PIK3R3: variants seen among roughly 807,000 people sequenced by gnomAD.
PIK3R3 encodes phosphatidylinositol 3-kinase regulatory subunit gamma.
PIK3R3 carries 64 observed loss-of-function variants against 62.9 expected under a neutral mutation model. The ratio of observed to expected loss-of-function variants is 1.02; its 90% confidence interval spans 0.83 to 1.25. PIK3R3 has a LOEUF of 1.25. Ranked by LOEUF, PIK3R3 falls within the 50% of genes most tolerant of loss-of-function variation. The pLI is 0.00. For missense variants in PIK3R3, 614 were observed against 561.6 expected, an observed-to-expected ratio of 1.09 and a Z score of -0.94; for synonymous variants, 165 against 189.0, an observed-to-expected ratio of 0.87 and a Z score of 1.04.
At chr1:46,129,376 T>C (rs564949011) in intron 1 of PIK3R3, among the ~76,000 whole-genome samples, 25 of 151,888 alleles carry the variant, frequency 1.6e-4, no homozygotes, top group Non-Finnish European at 3.5e-4. Flanking sequence ...GAGGGACTTA[T>C]ATGAGAGGGT....
At chr1:46,088,278 C>T (rs1651282971) in intron 1 of PIK3R3, among the ~76,000 whole-genome samples, 1 of 151,418 alleles carries the variant, frequency 6.6e-6, no homozygotes, top group South Asian at 2.1e-4. Flanking sequence ...TGATAAATTA[C>T]ATGTTACATA....
At chr1:46,064,321 A>T (rs948824403) in intron 5 of PIK3R3, among the ~76,000 whole-genome samples, 2 of 152,136 alleles carry the variant, frequency 1.3e-5, no homozygotes, top group Non-Finnish European at 2.9e-5. Context: ...TGGGCGGATC[A>T]CCTGAGGTCA....
chr1:46,145,326 C>T, the PIK3R3 span, among the ~76,000 whole-genome samples: 1 of 151,570 alleles, frequency 6.6e-6, no homozygotes. Context: ...TGTCTTAGTC[C>T]ATTTTGTGTT....
intron 4 of PIK3R3, 43 bp downstream of exon 4, chr1:46,066,868 T>C (rs1557573772): frequency 7.0e-7 from 1 of 1,432,822 alleles, no homozygotes; most frequent in African/African-American, 1.4e-5. Context: ...GGCTGTTAAA[T>C]AATCACTTGC....
upstream of PIK3R3, among the ~76,000 whole-genome samples, chr1:46,136,029 CAAA>C (rs552872602): frequency 1.4e-4 from 6 of 43,300 alleles, no homozygotes; most frequent in Non-Finnish European, 2.0e-4. Flanking sequence ...GACTCAGTCT[CAAA>C]AAAAAAAAAA....
At chr1:46,055,726 T>C (rs1647824857) in intron 7 of PIK3R3, 69 bp downstream of exon 7, 1 of 956,000 alleles carries the variant, frequency 1.0e-6, no homozygotes. Flanking sequence ...CTTCCACCTC[T>C]AGTGTCTCTA....
intron 5 of PIK3R3, among the ~76,000 whole-genome samples, chr1:46,064,417 T>C (rs1648806805): frequency 6.6e-6 from 1 of 151,936 alleles, no homozygotes; most frequent in Non-Finnish European, 1.5e-5. Context: ...GGTGCACGCC[T>C]GTAATCCCAG....
chr1:46,172,473 A>G, the PIK3R3 span, among the ~76,000 whole-genome samples: 1 of 152,112 alleles, frequency 6.6e-6, no homozygotes, highest in East Asian at 1.9e-4. Context: ...TCCCAGGTTT[A>G]AGTAATTCTC....
intron 1 of PIK3R3, among the ~76,000 whole-genome samples, chr1:46,089,714 CAA>C (rs554079868): frequency 2.5e-4 from 16 of 63,154 alleles, no homozygotes; most frequent in Admixed American, 3.6e-4. Flanking sequence ...GACTCCATCT[CAA>C]AAAAAAAAAA....
chr1:46,075,777 G>A (rs1364265406), intron 3 of PIK3R3, among the ~76,000 whole-genome samples: 1 of 152,170 alleles, frequency 6.6e-6, no homozygotes, highest in Non-Finnish European at 1.5e-5. Context: ...TGGAGGCTGA[G>A]AAGTCCCATT....
At chr1:46,081,997 TATAAATAA>T (rs139367620) in intron 1 of PIK3R3, among the ~76,000 whole-genome samples, 8 of 151,650 alleles carry the variant, frequency 5.3e-5, no homozygotes, top group East Asian at 1.9e-4. Flanking sequence ...TTCATGCAGA[TATAAATAA>T]ATAAATAAAT....
At chr1:46,105,283 C>A in intron 1 of PIK3R3, 1 of 272,756 alleles carries the variant, frequency 3.7e-6, no homozygotes, top group Non-Finnish European at 6.9e-6. Context: ...GAGGGCAGAT[C>A]ACGAGGTCAA....
the PIK3R3 span, among the ~76,000 whole-genome samples, chr1:46,142,396 G>A: frequency 6.6e-6 from 1 of 152,118 alleles, no homozygotes; most frequent in African/African-American, 2.4e-5. Flanking sequence ...GCTCTTTGAG[G>A]ACATTGAAAT....
chr1:46,155,699 C>T, the PIK3R3 span, among the ~76,000 whole-genome samples: 2 of 152,088 alleles, frequency 1.3e-5, no homozygotes, highest in African/African-American at 4.8e-5. Flanking sequence ...TTGGCTCAAG[C>T]TATCTGCCCA....
At chr1:46,152,810 T>C in the PIK3R3 span, among the ~76,000 whole-genome samples, 2 of 152,052 alleles carry the variant, frequency 1.3e-5, no homozygotes, top group Non-Finnish European at 2.9e-5. Context: ...TGATCTGCCC[T>C]CCTCGGCCTC....
chr1:46,154,411 A>G, the PIK3R3 span, among the ~76,000 whole-genome samples: 1 of 152,070 alleles, frequency 6.6e-6, no homozygotes, highest in Non-Finnish European at 1.5e-5. Flanking sequence ...CCACAAAAAA[A>G]TAAAAAAATT....
At chr1:46,074,075 G>C (rs898317460) in intron 3 of PIK3R3, among the ~76,000 whole-genome samples, 1 of 147,268 alleles carries the variant, frequency 6.8e-6, no homozygotes, top group Non-Finnish European at 1.5e-5. Context: ...GGATCACGAG[G>C]TCAGGAGATC....
chr1:46,087,191 A>AC (rs973123858), intron 1 of PIK3R3, among the ~76,000 whole-genome samples: 1 of 152,136 alleles, frequency 6.6e-6, no homozygotes, highest in Non-Finnish European at 1.5e-5. Flanking sequence ...GGTGCAGCAC[A>AC]CCAACATGGC....
chr1:46,047,773 TTTGG>T (rs1050403281), intron 7 of PIK3R3, among the ~76,000 whole-genome samples: 3 of 136,592 alleles, frequency 2.2e-5, no homozygotes, highest in African/African-American at 7.7e-5. Flanking sequence ...TTTTTGTTTG[TTTGG>T]TTGGTTGGTT....
Sources: allele counts gnomAD v4.1 joint callset (sites outside exome capture counted in the v4.1 genomes callset), GRCh38; gene constraint gnomAD v4.1.1; transcripts MANE v1.5; gene names NCBI Gene and HGNC (gene_info 2026-07-23, HGNC 2026-07-21).